Variants in LRP1B observed in about 807,000 individuals in gnomAD.
LRP1B encodes the protein low-density lipoprotein receptor-related protein 1B.
In LRP1B, 217 loss-of-function variants were observed where a neutral mutation model predicts 556.6. The observed-to-expected ratio is 0.39, with a 90% CI of 0.35 to 0.44. The LOEUF (loss-of-function observed/expected upper bound fraction) is 0.44. Ranked by LOEUF, LRP1B falls within the 20% of genes least tolerant of loss-of-function variation. The probability of loss-of-function intolerance (pLI) is 1.00; values close to 1 mark genes in which losing one functional copy is unlikely to be tolerated. For synonymous variants in LRP1B, 2,047 were observed against 1,865.8 expected, an observed-to-expected ratio of 1.10 and a Z score of -2.50; for missense variants, 5,053 against 5,620.8, an observed-to-expected ratio of 0.90 and a Z score of 3.23.
chr2:140,666,008 T>C (rs75151894), intron 41 of LRP1B, among the ~76,000 whole-genome samples: 2 of 147,610 alleles, frequency 1.4e-5, no homozygotes, highest in Admixed American at 6.8e-5. Context: ...TTTTTTTTTT[T>C]CCTGAGACGG....
chr2:140,782,942 G>C (rs1689752560), intron 32 of LRP1B, among the ~76,000 whole-genome samples: 1 of 152,068 alleles, frequency 6.6e-6, no homozygotes, highest in African/African-American at 2.4e-5. Flanking sequence ...GCAGGAGTAT[G>C]GCATTAACTC....
intron 25 of LRP1B, among the ~76,000 whole-genome samples, chr2:140,883,147 G>A (rs1693525797): frequency 1.3e-5 from 2 of 152,122 alleles, no homozygotes; most frequent in African/African-American, 4.8e-5. Flanking sequence ...ATAAGTGACT[G>A]GGCAGGAACG....
rs1379242312 is a variant in LRP1B at position 141,404,978 on chromosome 2, G to GCTA, written c.343+75415_343+75417dup. 3.3e-5 allele frequency among the ~76,000 whole-genome samples: 5 copies of GCTA among 151,914 alleles called. 1 individual carries two copies. Among genetic ancestry groups the GCTA allele is most frequent in the Admixed American group, 2.6e-4 (4 of 15,238 alleles). On this transcript the variant is annotated intron_variant, in intron 3 of 90. Coordinates refer to ENST00000389484, the MANE Select transcript of LRP1B (RefSeq NM_018557.3). ...GTAGTGGTGGGCACCTGTAGTCCCA[G>GCTA]CTACTCGGGAGGCTGAGGCAGGAGA...
Position 140,238,178 on chromosome 2 carries a change from G to A in LRP1B, c.13534C>T (p.Pro4512Ser), listed in dbSNP as rs750511401. Residue 4512 changes from proline (P) to serine (S), a missense_variant, in exon 89 of 91, where the codon CCT (proline) becomes TCT (serine). Around this residue, in one of 5 missense-constraint regions of LRP1B, gnomAD observed 551 missense variants for 592.0 expected, o/e 0.93. Transcript: ENST00000389484. The stretch of plus-strand genomic sequence containing the variant: ...TTTGTTGGGTCTATCATAAAGCCAG[G>A]ATCTAAAAGACCTCCATCGTTGTGA... ...HDHNDGGLLD[P>S]GFMIDPTKAR... 1.9e-6 allele frequency: 3 copies of A among 1,603,742 alleles called. No homozygotes were observed. Among genetic ancestry groups the A allele is most frequent in the South Asian group, 1.1e-5 (1 of 90,228 alleles).
chr2:141,627,753 A>C (rs1468088094), intron 2 of LRP1B, among the ~76,000 whole-genome samples: 1 of 152,232 alleles, frequency 6.6e-6, no homozygotes, highest in Non-Finnish European at 1.5e-5. Context: ...TACAACACCA[A>C]GAATGAATCC....
intron 10 of LRP1B, among the ~76,000 whole-genome samples, chr2:141,054,740 G>A (rs1348039777): frequency 1.3e-5 from 2 of 151,872 alleles, no homozygotes; most frequent in African/African-American, 2.4e-5. Flanking sequence ...GATTTCTGTC[G>A]AAACAAGCAA....
rs113379728 is a variant in LRP1B at position 140,487,113 on chromosome 2, A to G, written c.9243+504T>C. Among the ~76,000 whole-genome samples the G allele has an allele frequency of 5.2e-3, 786 of 152,044 alleles. 10 individuals are homozygous for G. Among genetic ancestry groups the G allele is most frequent in the African/African-American group, 0.016 (670 of 41,546 alleles). On this transcript the variant is annotated intron_variant, in intron 58 of 90. Transcript: ENST00000389484. ...CTAGAATATGACATGGATCATACAC[A>G]TGACAGAACTGTGACAGAAATGTGA...
At chr2:141,286,662 T>C (rs1685732746) in intron 3 of LRP1B, 1 of 431,814 alleles carries the variant, frequency 2.3e-6, no homozygotes, top group South Asian at 1.6e-5. Context: ...ATAACATCTT[T>C]AAAAGATACA....
Position 140,791,560 on chromosome 2 carries a change from G to T in LRP1B, c.5360-15322C>A, listed in dbSNP as rs555363651. The stretch of plus-strand genomic sequence containing the variant: ...AATATGATGTTATTTTGTCCTGATA[G>T]AATGGCAATCTCTGCACTCTCTGGT... On this transcript the variant is annotated intron_variant, in intron 32 of 90. Coordinates refer to ENST00000389484, the MANE Select transcript of LRP1B (RefSeq NM_018557.3). Among the ~76,000 whole-genome samples, 10 of 152,294 alleles carry T rather than the reference G, an allele frequency of 6.6e-5. No individual in the cohort carries two copies. In the East Asian group the frequency reaches 1.3e-3, roughly 21 times the overall value.
chr2:140,626,080 G>A (rs114378700), intron 41 of LRP1B, among the ~76,000 whole-genome samples: 16 of 152,130 alleles, frequency 1.1e-4, no homozygotes, highest in Admixed American at 9.2e-4. Context: ...AAAAGACATA[G>A]AGAAAACTTA....
intron 6 of LRP1B, among the ~76,000 whole-genome samples, chr2:141,214,128 G>A (rs952617661): frequency 2.6e-5 from 4 of 152,184 alleles, no homozygotes; most frequent in Admixed American, 2.0e-4. Flanking sequence ...GCTGAAGGCT[G>A]ACTGTATTCT....
chr2:140,479,455 G>A (rs1255206206), intron 59 of LRP1B, among the ~76,000 whole-genome samples: 4 of 151,878 alleles, frequency 2.6e-5, no homozygotes, highest in Non-Finnish European at 2.9e-5. Flanking sequence ...CCTATTCTGC[G>A]AGATATAATG....
At chr2:140,698,525 A>G (rs1160510866) in intron 41 of LRP1B, among the ~76,000 whole-genome samples, 3 of 152,096 alleles carry the variant, frequency 2.0e-5, no homozygotes, top group Non-Finnish European at 4.4e-5. Context: ...TATATTTAAT[A>G]TCCATCTTAC....
intron 37 of LRP1B, among the ~76,000 whole-genome samples, chr2:140,706,936 G>T (rs1686860032): frequency 6.6e-6 from 1 of 151,870 alleles, no homozygotes; most frequent in Admixed American, 6.6e-5. Flanking sequence ...TAGTGACAAA[G>T]CTCTGATTTT....
rs537686503 is a variant in LRP1B, at chr2:141,735,764, G to A, written c.205+74515C>T. ...TAGAAATCTTAATTTCCATTCTTCC[G>A]AACATCCAAGAATTTTAGAAACCTA... is the stretch of plus-strand genomic sequence containing the variant. On this transcript the variant is annotated intron_variant, in intron 2 of 90. Transcript: ENST00000389484. Among the ~76,000 whole-genome samples, 33 of 152,048 alleles carry A rather than the reference G, an allele frequency of 2.2e-4. No homozygotes were observed. In the East Asian group the frequency reaches 5.0e-3, roughly 23 times the overall value.
chr2:140,748,591 GTATATATATATATATA>G lies in LRP1B; in HGVS notation c.5758+20606_5758+20621del, dbSNP rs70988428. On this transcript the variant is annotated intron_variant, in intron 35 of 90. Transcript: ENST00000389484. ...AAACATAGTTATACATATACAGTGT[GTATATATATATATATA>G]TATATATATATATATATATTCGTAT... is the stretch of plus-strand genomic sequence containing the variant. 9.4e-4 allele frequency among the ~76,000 whole-genome samples: 69 copies of G among 73,334 alleles called. 1 individual carries two copies. The highest frequency in any genetic ancestry group is 8.6e-3 in the Admixed American group (40 of 4,654). The allele number at this position is 73,334 out of a possible 152,430, so 48.1% of individuals were successfully genotyped here.
At chr2:140,252,980 C>T (rs190206003) in intron 86 of LRP1B, among the ~76,000 whole-genome samples, 14 of 152,078 alleles carry the variant, frequency 9.2e-5, no homozygotes, top group Admixed American at 8.5e-4. Context: ...TCAATAAATA[C>T]TTTGGTACTA....
chr2:140,792,926 T>A (rs914333363), intron 32 of LRP1B, among the ~76,000 whole-genome samples: 1 of 152,048 alleles, frequency 6.6e-6, no homozygotes, highest in Non-Finnish European at 1.5e-5. Context: ...ATAATTACAA[T>A]ATCTATAATT....
chr2:141,337,077 C>T (rs573722871), intron 3 of LRP1B, among the ~76,000 whole-genome samples: 1 of 152,212 alleles, frequency 6.6e-6, no homozygotes, highest in East Asian at 1.9e-4. Flanking sequence ...TGCTAGGACA[C>T]ATGATAGCTG....
Sources: allele counts gnomAD v4.1 joint callset (sites outside exome capture counted in the v4.1 genomes callset), GRCh38; gene constraint gnomAD v4.1.1; regional missense constraint gnomAD v4.1.1; transcripts MANE v1.5; gene names NCBI Gene and HGNC (gene_info 2026-07-23, HGNC 2026-07-21).